RPS6: variants seen among roughly 807,000 people sequenced by gnomAD.
RPS6 encodes ribosomal protein S6.
A neutral mutation model predicts 27.1 loss-of-function variants in RPS6; 1 was observed. That is an observed-to-expected ratio of 0.04 (90% confidence interval 0.01 to 0.18). The LOEUF (loss-of-function observed/expected upper bound fraction) is 0.18, where lower values mean the gene tolerates loss of function less well. Among genes scored for constraint, RPS6 ranks in the 10% least tolerant of loss-of-function variants. RPS6 has a pLI of 1.00. For synonymous variants in RPS6, 152 were observed against 106.0 expected, an observed-to-expected ratio of 1.43 and a Z score of -2.66; for missense variants, 259 against 319.1, an observed-to-expected ratio of 0.81 and a Z score of 1.44.
chr9:19,378,252 T>A lies in RPS6; in HGVS notation c.496+116A>T, dbSNP rs550349399. 6.0e-4 allele frequency: 605 copies of A among 1,007,954 alleles called. 4 individuals carry two copies. The highest frequency in any genetic ancestry group is 8.2e-4 in the Non-Finnish European group (561 of 687,180). The allele number at this position is 1,007,954 out of a possible 1,614,324, so 62.4% of individuals were successfully genotyped here. A position where few individuals can be genotyped will look rare whatever the true frequency, so the allele number is the denominator to read the frequency against. On this transcript the variant is annotated intron_variant, in intron 4 of 5. Coordinates refer to ENST00000380394, the MANE Select transcript of RPS6 (RefSeq NM_001010.3). Reference sequence around the variant, plus strand: ...ACCCCCAAATATTTTCTGTAAAAACTCCAAGTGAATAGTGCTAAGGCCTTC... The same window carrying A: ...ACCCCCAAATATTTTCTGTAAAAACACCAAGTGAATAGTGCTAAGGCCTTC...
intron 4 of RPS6, among the ~76,000 whole-genome samples, chr9:19,378,140 C>G (rs1829620930): frequency 6.6e-6 from 1 of 152,172 alleles, no homozygotes; most frequent in African/African-American, 2.4e-5. Context: ...ATCAAAGATT[C>G]ACAAGCAGAT....
chr9:19,377,276 C>T (rs1025305926), intron 4 of RPS6, among the ~76,000 whole-genome samples: 1 of 151,980 alleles, frequency 6.6e-6, no homozygotes, highest in African/African-American at 2.4e-5. Context: ...AATGTTAAGC[C>T]TCCTACTATA....
chr9:19,376,813 T>C, intron 4 of RPS6, 162 bp from the exon 5 acceptor site: 1 of 556,378 alleles, frequency 1.8e-6, no homozygotes, highest in Non-Finnish European at 3.0e-6. Flanking sequence ...TTTTTGCCCC[T>C]CCACAGAAAT....
chr9:19,377,075 G>A (rs1474563030), intron 4 of RPS6, among the ~76,000 whole-genome samples: 2 of 152,160 alleles, frequency 1.3e-5, no homozygotes, highest in Non-Finnish European at 2.9e-5. Context: ...CAGGGGTAAC[G>A]TTAACTATTA....
chr9:19,379,812 G>C (rs563637618), intron 1 of RPS6, 194 bp from the exon 2 acceptor site: 3 of 1,431,594 alleles, frequency 2.1e-6, no homozygotes, highest in Non-Finnish European at 2.7e-6. Context: ...CACTCAGCAG[G>C]ACGTTTTCCC....
intron 4 of RPS6, among the ~76,000 whole-genome samples, chr9:19,377,698 T>C (rs1482867923): frequency 5.9e-5 from 9 of 152,216 alleles, no homozygotes; most frequent in African/African-American, 2.4e-5. Flanking sequence ...TGTTGTCTAC[T>C]ATATGGACAA....
chr9:19,378,267 C>T, intron 4 of RPS6, 101 bp downstream of exon 4: 1 of 1,191,948 alleles, frequency 8.4e-7, no homozygotes, highest in East Asian at 2.3e-5. Flanking sequence ...GTGAATAGTG[C>T]TAAGGCCTTC....
At chr9:19,379,190 A>G in intron 2 of RPS6, 1 of 974,692 alleles carries the variant, frequency 1.0e-6, no homozygotes, top group Non-Finnish European at 1.5e-6. Context: ...GCAACAAACA[A>G]ATCAGATACA....
chr9:19,379,287 AAAC>A, intron 2 of RPS6, 197 bp downstream of exon 2: 1 of 1,468,970 alleles, frequency 6.8e-7, no homozygotes, highest in Admixed American at 2.7e-5. Flanking sequence ...ATGTTGATGT[AAAC>A]TTTACGTATA....
chr9:19,378,411 ATCT>A lies in RPS6; in HGVS notation c.450_452del (p.Glu150del), dbSNP rs1829624488. 6.2e-7 allele frequency: 1 copy of A among 1,613,498 alleles called. No individual in the cohort carries two copies. Among genetic ancestry groups the A allele is most frequent in the Non-Finnish European group, 8.5e-7 (1 of 1,179,990 alleles). ...TTCTTACAACATACTGGCGGACATC[ATCT>A]TCTTTAGAGAGATTGAAAAGTTTGC... On this transcript the variant is annotated inframe_deletion, in exon 4 of 6. Coordinates refer to ENST00000380394, the MANE Select transcript of RPS6 (RefSeq NM_001010.3).
chr9:19,379,828 G>T, intron 1 of RPS6: 4 of 1,425,516 alleles, frequency 2.8e-6, no homozygotes, highest in South Asian at 3.1e-5. Context: ...TTCCCCTCAA[G>T]CCCCGCGGAA....
chr9:19,379,895 G>A, intron 1 of RPS6: 1 of 1,422,534 alleles, frequency 7.0e-7, no homozygotes, highest in Non-Finnish European at 9.1e-7. Flanking sequence ...CAAGAAAGCC[G>A]GGGTCAAGAG....
chr9:19,379,829 C>G (rs1280857204), intron 1 of RPS6: 36 of 1,425,950 alleles, frequency 2.5e-5, no homozygotes, highest in Non-Finnish European at 3.0e-5. Flanking sequence ...TCCCCTCAAG[C>G]CCCGCGGAAT....
In RPS6 at chr9:19,376,260, G is replaced by A. The variant is rs67906804; in HGVS notation, c.*33C>T. ...CAATGAAAAGTCAACAGAGATCAGA[G>A]TCTGATCTTATTTATTTGTTACTCA... On this transcript the variant is annotated 3_prime_UTR_variant, in exon 6 of 6. Transcript: ENST00000380394. 7 of 1,516,402 alleles carry A rather than the reference G, an allele frequency of 4.6e-6. No individual in the cohort carries two copies. The highest frequency in any genetic ancestry group is 6.4e-6 in the Non-Finnish European group (7 of 1,098,878). 93.9% of individuals were successfully genotyped at this position (1,516,402 alleles called of 1,614,324 possible).
At chr9:19,379,905 G>A in intron 1 of RPS6, 1 of 1,426,644 alleles carries the variant, frequency 7.0e-7, no homozygotes. Flanking sequence ...GGGGTCAAGA[G>A]CCGCACCACA....
chr9:19,376,365 T>C lies in RPS6; in HGVS notation c.678A>G (p.Glu226=). The change falls in exon 6 of 6, where the codon GAA becomes GAG. Residue 226 remains glutamate, a synonymous_variant. Coordinates refer to ENST00000380394, the MANE Select transcript of RPS6 (RefSeq NM_001010.3). ...RMKEAKEKRQ[E]QIAKRRRLSS... Reference sequence around the variant, plus strand: ...AAAGTCTGCGTCTCTTCGCAATTTGTTCCTGGCGCTTCTCCTTAGCCTCCT... The same window carrying C: ...AAAGTCTGCGTCTCTTCGCAATTTGCTCCTGGCGCTTCTCCTTAGCCTCCT... 1 of 1,614,192 alleles carries C rather than the reference T, an allele frequency of 6.2e-7. No individual in the cohort carries two copies.
chr9:19,379,869 G>T, intron 1 of RPS6: 1 of 1,422,456 alleles, frequency 7.0e-7, no homozygotes. Flanking sequence ...CTCCGCAGCC[G>T]TTCACCCTCC....
intron 1 of RPS6, chr9:19,379,986 C>A: frequency 6.9e-7 from 1 of 1,454,382 alleles, no homozygotes; most frequent in East Asian, 2.5e-5. Flanking sequence ...ATGGCGCTCC[C>A]GGCCCGCCGC....
intron 4 of RPS6, among the ~76,000 whole-genome samples, chr9:19,377,623 T>A (rs998651985): frequency 6.6e-6 from 1 of 152,216 alleles, no homozygotes; most frequent in African/African-American, 2.4e-5. Context: ...TGCTGTTTAT[T>A]TAACATAAAT....
Sources: gnomAD v4.1 joint callset for allele counts (sites outside exome capture counted in the v4.1 genomes callset) on GRCh38, gnomAD v4.1.1 for gene constraint, MANE v1.5 for transcripts, NCBI Gene and HGNC (gene_info 2026-07-23, HGNC 2026-07-21) for gene names.